The following STC2 variants were observed in gnomAD, a reference collection of about 807,000 sequenced individuals.
STC2 encodes the protein stanniocalcin 2, also known as stanniocalcin-2.
In STC2, 7 loss-of-function variants were observed where a neutral mutation model predicts 22.7. The ratio of observed to expected loss-of-function variants is 0.31; its 90% CI spans 0.18 to 0.58. The LOEUF (loss-of-function observed/expected upper bound fraction) is 0.58. Among genes scored for constraint, STC2 ranks in the 20% least tolerant of loss-of-function variants. The probability of loss-of-function intolerance (pLI) is 0.89; values close to 1 mark genes in which losing one functional copy is unlikely to be tolerated. For synonymous variants in STC2, 158 were observed against 163.4 expected, an observed-to-expected ratio of 0.97 and a Z score of 0.25; for missense variants, 336 against 406.2, an observed-to-expected ratio of 0.83 and a Z score of 1.48.
chr5:173,325,744 C>T lies in STC2; in HGVS notation c.294+124G>A. 1.5e-6 allele frequency: 2 copies of T among 1,354,524 alleles called. No homozygotes were observed. Among genetic ancestry groups the T allele is most frequent in the Non-Finnish European group, 2.1e-6 (2 of 969,470 alleles). The allele number at this position is 1,354,524 out of a possible 1,614,324, so 83.9% of individuals were successfully genotyped here. A position where few individuals can be genotyped will look rare whatever the true frequency, so the allele number is the denominator to read the frequency against. On this transcript the variant is annotated intron_variant, in intron 2 of 3. Coordinates refer to ENST00000265087, the MANE Select transcript of STC2 (RefSeq NM_003714.3). The surrounding 1 kb of genome is among the most constrained non-coding windows in gnomAD (Gnocchi z 4.7). ...ATAATGTTTTATACCTAGACTGTCG[C>T]TTGCAAGCACTAAAACACACCACAA...
At chr5:173,322,958 G>A (rs73804147) in intron 3 of STC2, 24,136 of 519,564 alleles carry the variant, frequency 0.046, 1,444 homozygotes, top group African/African-American at 0.21. Context: ...TTACTGAATC[G>A]ACACATTTCA....
intron 3 of STC2, among the ~76,000 whole-genome samples, chr5:173,322,163 A>C (rs1297937825): frequency 1.3e-5 from 2 of 152,240 alleles, no homozygotes; most frequent in Admixed American, 6.5e-5. Flanking sequence ...TCATAAAATT[A>C]TACCGATTTG....
intron 1 of STC2, 130 bp from the exon 2 acceptor site, chr5:173,326,140 A>G: frequency 9.8e-7 from 1 of 1,016,346 alleles, no homozygotes; most frequent in Non-Finnish European, 1.4e-6. Flanking sequence ...AGTAATGACT[A>G]TTTCAGGACC....
At position 173,325,980 on chromosome 5, in the gene STC2, C is replaced by T; in HGVS notation, c.182G>A (p.Gly61Asp). The change falls in exon 2 of 4, where the codon GGC becomes GAC. Residue 61 changes from glycine to aspartate, a missense_variant. Gly to Asp is a moderately conservative substitution (Grantham distance 94). Transcript: ENST00000265087. The surrounding 1 kb of genome is among the most constrained non-coding windows in gnomAD (Gnocchi z 4.7). ...TTCAAACACGCCACACCCCACATCG[C>T]CAGCGTTGACCAAACAGTGCTGGAT... is the stretch of plus-strand genomic sequence containing the variant. The part of the protein sequence containing the change: ...AEIQHCLVNA[G>D]DVGCGVFECF... 1 of 1,614,170 alleles carries T rather than the reference C, an allele frequency of 6.2e-7. No homozygotes were observed. Among genetic ancestry groups the T allele is most frequent in the Admixed American group, 1.7e-5 (1 of 60,022 alleles).
chr5:173,320,760 G>A (rs1259755336), intron 3 of STC2, among the ~76,000 whole-genome samples: 3 of 151,804 alleles, frequency 2.0e-5, no homozygotes, highest in Non-Finnish European at 1.5e-5. Context: ...ATTCTGGGGT[G>A]ACTGTGATTT....
At position 173,318,090 on chromosome 5, in the gene STC2, G is replaced by A; in HGVS notation, c.666C>T (p.Pro222=). 1 of 1,607,576 alleles carries A rather than the reference G, an allele frequency of 6.2e-7. No homozygotes were observed. The highest frequency in any genetic ancestry group is 8.5e-7 in the Non-Finnish European group (1 of 1,177,874). The change falls in exon 4 of 4, where the codon CCC becomes CCT. Residue 222 remains proline, a synonymous_variant. Coordinates refer to ENST00000265087, the MANE Select transcript of STC2 (RefSeq NM_003714.3). ...TGTCCACCTGGGGCTGGCGCTCGGG[G>A]GGCGCCGTGGGAGGCTTCTGGATGG... is the stretch of plus-strand genomic sequence containing the variant. ...TSAIQKPPTA[P]PERQPQVDRT...
chr5:173,327,305 T>C (rs1762560237), intron 1 of STC2, among the ~76,000 whole-genome samples: 1 of 152,262 alleles, frequency 6.6e-6, no homozygotes, highest in Admixed American at 6.5e-5. Context: ...TTTCTTTCTC[T>C]TTCCGAGCTG....
At chr5:173,327,979 G>A (rs1163597729) in intron 1 of STC2, 64 bp downstream of exon 1, 35 of 1,388,896 alleles carry the variant, frequency 2.5e-5, no homozygotes, top group Non-Finnish European at 2.8e-6. Flanking sequence ...CGCCTGGGGC[G>A]CGCCGCGTGG....
intron 1 of STC2, among the ~76,000 whole-genome samples, chr5:173,327,172 TC>T (rs1316074796): frequency 6.6e-6 from 1 of 152,200 alleles, no homozygotes; most frequent in Non-Finnish European, 1.5e-5. Flanking sequence ...ACTTGGGGCG[TC>T]CCTAATGGGC....
rs548731645 is a variant in STC2 at position 173,321,374 on chromosome 5, ACT to A, written c.506+1843_506+1844del. Among the ~76,000 whole-genome samples, 726 of 152,128 alleles carry A rather than the reference ACT, an allele frequency of 4.8e-3. 6 individuals are homozygous for A. Among genetic ancestry groups the A allele is most frequent in the Admixed American group, 8.0e-3 (122 of 15,292 alleles). On this transcript the variant is annotated intron_variant, in intron 3 of 3. Transcript: ENST00000265087. ...CCCCACCGATTCCTGAGGCCAGCAA[ACT>A]CTCTCTAATGGGGGACAGGGCTAGA...
chr5:173,318,182 T>C lies in STC2; in HGVS notation c.574A>G (p.Ser192Gly), dbSNP rs1275905684. The change falls in exon 4 of 4, where the codon AGC becomes GGC. Residue 192 changes from serine (S) to glycine (G), a missense_variant. This residue lies in a region of STC2 where 215 missense variants were observed against 231.5 expected (regional missense o/e 0.93). Coordinates refer to ENST00000265087, the MANE Select transcript of STC2 (RefSeq NM_003714.3). ...GEEVKEAITH[S>G]VQVQCEQNWG... is the part of the protein sequence containing the mutation. ...TTCTGCTCACACTGAACCTGCACGC[T>C]GTGGGTGATGGCCTCCTTCACCTCC... The C allele has an allele frequency of 1.6e-5, 25 of 1,569,222 alleles. No homozygotes were observed. Among genetic ancestry groups the C allele is most frequent in the South Asian group, 3.5e-5 (3 of 86,216 alleles).
chr5:173,323,389 G>A lies in STC2; in HGVS notation c.336C>T (p.His112=), dbSNP rs6861827. The part of the protein sequence containing the change: ...FIKDALKCKA[H]ALRHRFGCIS... ...TGCAGCCGAACCTGTGCCGCAGAGC[G>A]TGGGCCTTACATTTCAAGGCGTCTT... is the stretch of plus-strand genomic sequence containing the variant. Residue 112 remains histidine, a synonymous_variant, in exon 3 of 4, where the codon CAC becomes CAT. Coordinates refer to ENST00000265087, the MANE Select transcript of STC2 (RefSeq NM_003714.3). The surrounding 1 kb of genome is among the most constrained non-coding windows in gnomAD (Gnocchi z 5.4). 0.032 allele frequency: 51,716 copies of A among 1,613,726 alleles called. 1,798 individuals carry two copies. The highest frequency in any genetic ancestry group is 0.17 in the African/African-American group (13,093 of 75,000).
At position 173,325,718 on chromosome 5, in the gene STC2, CATA is replaced by C. The variant is rs1466814702; in HGVS notation, c.294+147_294+149del. ...TATGAGTGCAGAAGGGAGACACTGG[CATA>C]ATGTTTTATACCTAGACTGTCGCTT... On this transcript the variant is annotated intron_variant, in intron 2 of 3. Transcript: ENST00000265087. This position sits in a 1 kb window ranked among gnomAD's most constrained non-coding sequence, Gnocchi z 4.7. 1.9e-6 allele frequency: 2 copies of C among 1,052,276 alleles called. No homozygotes were observed. Among genetic ancestry groups the C allele is most frequent in the Admixed American group, 4.0e-5 (2 of 50,054 alleles). 65.2% of individuals were successfully genotyped at this position (1,052,276 alleles called of 1,614,324 possible).
intron 2 of STC2, among the ~76,000 whole-genome samples, chr5:173,324,501 A>T (rs2113138479): frequency 6.6e-6 from 1 of 152,296 alleles, no homozygotes; most frequent in African/African-American, 2.4e-5. Context: ...AGCCATAGAA[A>T]TGTCTACAGA....
Position 173,323,639 on chromosome 5 carries a change from G to A in STC2, c.295-209C>T, listed in dbSNP as rs1408003686. The stretch of plus-strand genomic sequence containing the variant: ...GAGTGACATGACACCCCCAGCACTG[G>A]GCAACAAGGGATGTTCATTCTGTAG... On this transcript the variant is annotated intron_variant, in intron 2 of 3. Coordinates refer to ENST00000265087, the MANE Select transcript of STC2 (RefSeq NM_003714.3). The surrounding 1 kb of genome is among the most constrained non-coding windows in gnomAD (Gnocchi z 5.4). 6.6e-6 allele frequency among the ~76,000 whole-genome samples: 1 copy of A among 152,096 alleles called. No individual in the cohort carries two copies. Among genetic ancestry groups the A allele is most frequent in the Non-Finnish European group, 1.5e-5 (1 of 68,006 alleles).
At chr5:173,318,703 G>C (rs1762454769) in intron 3 of STC2, among the ~76,000 whole-genome samples, 1 of 152,166 alleles carries the variant, frequency 6.6e-6, no homozygotes, top group Non-Finnish European at 1.5e-5. Flanking sequence ...TCCAAACAGA[G>C]GATTCTTTTT....
At chr5:173,324,597 G>T (rs1398239177) in intron 2 of STC2, among the ~76,000 whole-genome samples, 1 of 152,206 alleles carries the variant, frequency 6.6e-6, no homozygotes, top group East Asian at 1.9e-4. Flanking sequence ...GAGCCAAACA[G>T]AATGGAGGGC....
chr5:173,327,041 G>A (rs1401171611), intron 1 of STC2, among the ~76,000 whole-genome samples: 1 of 151,998 alleles, frequency 6.6e-6, no homozygotes, highest in Admixed American at 6.5e-5. Flanking sequence ...CGCCAGAGGA[G>A]GGGGAGGGTG....
rs139742012 is a variant in STC2, at chr5:173,322,387, A to G, written c.506+832T>C. 3.5e-4 allele frequency among the ~76,000 whole-genome samples: 53 copies of G among 152,260 alleles called. No individual in the cohort carries two copies. In the East Asian group the frequency reaches 5.4e-3, roughly 15 times the overall value. Reference sequence around the variant, plus strand: ...GCTTTACCATGCTGCAAAATTTAGGATCCTGTGGCTGAAATATTTTGTAAG... The same window carrying G: ...GCTTTACCATGCTGCAAAATTTAGGGTCCTGTGGCTGAAATATTTTGTAAG... On this transcript the variant is annotated intron_variant, in intron 3 of 3. Transcript: ENST00000265087.
Sources: gnomAD v4.1 joint callset for allele counts (sites outside exome capture counted in the v4.1 genomes callset) on GRCh38, gnomAD v4.1.1 for gene constraint, gnomAD v4.1.1 regional missense constraint, Gnocchi (gnomAD v3.1) non-coding constraint, MANE v1.5 for transcripts, NCBI Gene and HGNC (gene_info 2026-07-23, HGNC 2026-07-21) for gene names.